EML6: variants seen among roughly 807,000 people sequenced by gnomAD.
EML6 encodes the protein EMAP like 6.
Under a neutral mutation model 240.1 loss-of-function variants are expected in EML6, and 154 were observed. The observed-to-expected ratio is 0.64, with a 90% CI of 0.56 to 0.73. The LOEUF is 0.73. Among genes scored for constraint, EML6 ranks in the 30% least tolerant of loss-of-function variants. The pLI is 0.00. For missense variants in EML6, 2,964 were observed against 2,474.6 expected (o/e 1.20, Z -4.20); for synonymous variants, 1,148 against 899.0 (o/e 1.28, Z -4.95).
chr2:54,802,694 T>C (rs1670235161), intron 2 of EML6, among the ~76,000 whole-genome samples: 1 of 151,536 alleles, frequency 6.6e-6, no homozygotes, highest in Non-Finnish European at 1.5e-5. Context: ...CCAATAATAA[T>C]AATAATTTAG....
chr2:54,874,815 T>G (rs770629411), intron 16 of EML6, among the ~76,000 whole-genome samples: 18 of 152,176 alleles, frequency 1.2e-4, no homozygotes, highest in Non-Finnish European at 2.4e-4. Context: ...TAATATAGTT[T>G]GAGTCTTAAA....
At chr2:54,928,790 G>GCATATTATAT in intron 28 of EML6, 39 bp downstream of exon 28, 1 of 1,550,922 alleles carries the variant, frequency 6.4e-7, no homozygotes, top group Non-Finnish European at 8.7e-7. Context: ...TATTATACCT[G>GCATATTATAT]ATGACAAGAA....
chr2:54,924,902 C>G (rs1213266591), intron 26 of EML6, among the ~76,000 whole-genome samples: 11 of 152,104 alleles, frequency 7.2e-5, no homozygotes, highest in Non-Finnish European at 7.4e-5. Context: ...GGCACACTTT[C>G]CTTCCCAAAT....
At chr2:54,879,443 T>C in intron 16 of EML6, 104 bp from the exon 17 acceptor site, 1 of 741,170 alleles carries the variant, frequency 1.3e-6, no homozygotes, top group South Asian at 1.8e-5. Context: ...TCACCTCAAA[T>C]ATTTATCAGT....
intron 9 of EML6, among the ~76,000 whole-genome samples, chr2:54,849,244 C>G (rs1173541341): frequency 6.6e-6 from 1 of 152,104 alleles, no homozygotes; most frequent in Non-Finnish European, 1.5e-5. Flanking sequence ...CTATCCATCA[C>G]CTTAAATATT....
intron 12 of EML6, among the ~76,000 whole-genome samples, chr2:54,860,137 G>A (rs1354543999): frequency 2.0e-5 from 3 of 152,256 alleles, no homozygotes; most frequent in East Asian, 1.9e-4. Flanking sequence ...CCTACCCTGC[G>A]CACTGCTTCC....
In EML6 at chr2:54,844,198, G is replaced by A; in HGVS notation, c.999G>A (p.Leu333=). The A allele has an allele frequency of 6.4e-7, 1 of 1,551,666 alleles. No individual in the cohort carries two copies. Among genetic ancestry groups the A allele is most frequent in the Non-Finnish European group, 8.7e-7 (1 of 1,146,984 alleles). ...AGGGTGAGCTCTGGGCTCTGGCCCT[G>A]CACCCCAAGAAGCCTCTGGCTGTGA... ...HCEGELWALA[L]HPKKPLAVTG... is the part of the protein sequence containing the mutation. The change falls in exon 8 of 42, where the codon CTG becomes CTA. Residue 333 remains leucine, a synonymous_variant. Transcript: ENST00000356458.
intron 28 of EML6, among the ~76,000 whole-genome samples, chr2:54,939,393 T>A (rs1366674287): frequency 6.6e-6 from 1 of 152,208 alleles, no homozygotes; most frequent in South Asian, 2.1e-4. Context: ...AGTGGATGTT[T>A]AGGAGGGGTC....
At chr2:54,829,609 T>A in intron 7 of EML6, 132 bp downstream of exon 7, 2 of 640,238 alleles carry the variant, frequency 3.1e-6, no homozygotes, top group Non-Finnish European at 4.9e-6. Context: ...CAAGCAAAAG[T>A]ATGTTAAAAG....
chr2:54,966,357 A>C (rs1168702210), intron 38 of EML6, among the ~76,000 whole-genome samples: 1 of 152,252 alleles, frequency 6.6e-6, no homozygotes, highest in South Asian at 2.1e-4. Flanking sequence ...GAAAGAGCTC[A>C]GCTTCCCAGC....
intron 7 of EML6, among the ~76,000 whole-genome samples, chr2:54,838,347 G>GT (rs1294860697): frequency 2.6e-5 from 4 of 152,192 alleles, no homozygotes; most frequent in Non-Finnish European, 5.9e-5. Context: ...TGGGTCATGT[G>GT]TTGTTGTGTT....
At chr2:54,761,573 A>G (rs897631175) in intron 2 of EML6, among the ~76,000 whole-genome samples, 4 of 152,206 alleles carry the variant, frequency 2.6e-5, no homozygotes, top group African/African-American at 9.6e-5. Context: ...ATCACATTGC[A>G]ATTTGGTCAA....
At chr2:54,900,626 G>GC (rs1673005874) in intron 22 of EML6, among the ~76,000 whole-genome samples, 1 of 152,288 alleles carries the variant, frequency 6.6e-6, no homozygotes, top group African/African-American at 2.4e-5. Flanking sequence ...CAGTGACCCT[G>GC]CGGGAGGCAG....
At chr2:54,797,174 A>AAAAAAAAAAAAAAAACAAAAAC (rs1669846417) in intron 2 of EML6, among the ~76,000 whole-genome samples, 1 of 140,970 alleles carries the variant, frequency 7.1e-6, no homozygotes, top group African/African-American at 2.5e-5. Context: ...CAAAAAAAAA[A>AAAAAAAAAAAAAAAACAAAAAC]AAAAAAAAAA....
chr2:54,871,896 T>G (rs1490648316), intron 16 of EML6, among the ~76,000 whole-genome samples: 1 of 152,262 alleles, frequency 6.6e-6, no homozygotes, highest in African/African-American at 2.4e-5. Context: ...CACTGTGTTC[T>G]GTATTTGCTT....
intron 7 of EML6, among the ~76,000 whole-genome samples, chr2:54,836,725 G>T (rs1669166879): frequency 6.6e-6 from 1 of 152,144 alleles, no homozygotes; most frequent in African/African-American, 2.4e-5. Context: ...AGGGCCCTGC[G>T]GTTGGTTGCA....
At chr2:54,958,126 T>C (rs1676320361) in intron 33 of EML6, 128 bp downstream of exon 33, 1 of 753,544 alleles carries the variant, frequency 1.3e-6, no homozygotes. Flanking sequence ...CATTCGCTCC[T>C]GTACTGGCTT....
intron 21 of EML6, among the ~76,000 whole-genome samples, chr2:54,897,534 G>T (rs1672833514): frequency 6.6e-6 from 1 of 152,166 alleles, no homozygotes; most frequent in South Asian, 2.1e-4. Context: ...ACCAAGGTTT[G>T]CCAGAGCCCT....
At chr2:54,830,582 G>C (rs958137704) in intron 7 of EML6, among the ~76,000 whole-genome samples, 2 of 152,182 alleles carry the variant, frequency 1.3e-5, no homozygotes, top group Non-Finnish European at 2.9e-5. Flanking sequence ...TGCCACAGAG[G>C]TTGTTCCATA....
Sources: gnomAD v4.1 joint callset for allele counts (sites outside exome capture counted in the v4.1 genomes callset) on GRCh38, gnomAD v4.1.1 for gene constraint, MANE v1.5 for transcripts, NCBI Gene and HGNC (gene_info 2026-07-23, HGNC 2026-07-21) for gene names.